Variants in TEX11 observed in about 807,000 individuals in gnomAD.
TEX11 encodes testis-expressed protein 11.
TEX11 carries 7 observed loss-of-function variants against 84.4 expected under a neutral mutation model. The ratio of observed to expected loss-of-function variants is 0.08; its 90% CI spans 0.05 to 0.16. The LOEUF (loss-of-function observed/expected upper bound fraction) is 0.16. TEX11 is among the 10% of genes least tolerant of loss of function. The pLI is 1.00. For synonymous variants in TEX11, 264 were observed against 222.8 expected (o/e 1.18, Z -1.64); for missense variants, 551 against 660.5 (o/e 0.83, Z 1.82).
intron 7 of TEX11, among the ~76,000 whole-genome samples, chrX:70,852,475 C>G (rs1430139807): frequency 8.9e-6 from 1 of 112,177 alleles, no homozygotes; most frequent in Non-Finnish European, 1.9e-5. Context: ...CAGGCACGAG[C>G]CACCATGCCC....
intron 11 of TEX11, among the ~76,000 whole-genome samples, chrX:70,732,393 T>G (rs1177347193): frequency 9.0e-6 from 1 of 111,299 alleles, no homozygotes; most frequent in African/African-American, 3.3e-5. Context: ...ATTGTATATC[T>G]AGAAAACCCC....
chrX:70,572,552 G>A (rs1304589687), intron 25 of TEX11, among the ~76,000 whole-genome samples: 1 of 110,673 alleles, frequency 9.0e-6, no homozygotes, highest in Non-Finnish European at 1.9e-5. Context: ...ACATGCACAC[G>A]TATGTTTATT....
rs1016357995 is a variant in TEX11 at position 70,661,805 on chromosome X, G to T, written c.1380+8572C>A. ...AACTCCAGCAGACCTGCAGCTGAGG[G>T]TCCTGTCTGTTAGAAGGAAAACTAA... On this transcript the variant is annotated intron_variant, in intron 16 of 29. Transcript: ENST00000374333. Among the ~76,000 whole-genome samples the T allele has an allele frequency of 2.7e-5, 3 of 112,099 alleles. No individual in the cohort carries two copies. The Admixed American group carries it at 2.8e-4, about 11-fold the overall frequency.
chrX:70,634,634 T>A (rs1286214140), intron 17 of TEX11, among the ~76,000 whole-genome samples: 1 of 105,765 alleles, frequency 9.5e-6, no homozygotes, highest in African/African-American at 3.5e-5. Context: ...TAATTTCTGA[T>A]AAAGGCACAA....
At chrX:70,517,627 C>G in the TEX11 span, among the ~76,000 whole-genome samples, 4 of 111,540 alleles carry the variant, frequency 3.6e-5, no homozygotes, top group Non-Finnish European at 1.9e-5. Context: ...CAGGATGATG[C>G]TGGACTCATA....
chrX:70,905,790 G>A (rs974528373), intron 2 of TEX11, among the ~76,000 whole-genome samples: 1 of 108,091 alleles, frequency 9.3e-6, no homozygotes, highest in Non-Finnish European at 1.9e-5. Flanking sequence ...AGTGACTCAC[G>A]CCTGTAATCC....
chrX:70,621,901 C>T (rs779859308), intron 20 of TEX11, among the ~76,000 whole-genome samples: 1 of 109,945 alleles, frequency 9.1e-6, no homozygotes, highest in South Asian at 3.9e-4. Context: ...ATCAAATAAT[C>T]TAGGAAGGGT....
intron 11 of TEX11, among the ~76,000 whole-genome samples, chrX:70,740,249 C>T (rs978666271): frequency 9.0e-6 from 1 of 111,544 alleles, no homozygotes; most frequent in Non-Finnish European, 1.9e-5. Context: ...AGGCTGGGAA[C>T]TCCAACATCA....
chrX:70,666,041 A>C (rs1242531166), intron 16 of TEX11, among the ~76,000 whole-genome samples: 3 of 111,842 alleles, frequency 2.7e-5, no homozygotes, highest in African/African-American at 9.7e-5. Context: ...AGCATCTACT[A>C]TGCATTAGGC....
At chrX:70,567,240 C>T (rs1420465457) in intron 25 of TEX11, among the ~76,000 whole-genome samples, 1 of 110,676 alleles carries the variant, frequency 9.0e-6, no homozygotes, top group African/African-American at 3.3e-5. Context: ...TCTGTGGGAT[C>T]GGTGGTGATA....
At chrX:70,731,090 G>A (rs1394880985) in intron 11 of TEX11, among the ~76,000 whole-genome samples, 3 of 111,841 alleles carry the variant, frequency 2.7e-5, no homozygotes, top group African/African-American at 9.8e-5. Flanking sequence ...AAATAAAGAC[G>A]TTCTCTGAAA....
At chrX:70,520,469 T>C in the TEX11 span, among the ~76,000 whole-genome samples, 1 of 112,259 alleles carries the variant, frequency 8.9e-6, no homozygotes, top group African/African-American at 3.2e-5. Context: ...CAGCAAATAT[T>C]GCAGAACAGC....
In TEX11 at chrX:70,821,077, T is replaced by C. The variant is rs187643313; in HGVS notation, c.606+12436A>G. Among the ~76,000 whole-genome samples, 145 of 111,142 alleles carry C rather than the reference T, an allele frequency of 1.3e-3. 1 individual carries two copies. In the East Asian group the frequency reaches 0.037, roughly 28 times the overall value. On this transcript the variant is annotated intron_variant, in intron 8 of 29. Coordinates refer to ENST00000374333, the MANE Select transcript of TEX11 (RefSeq NM_031276.3). ...CAGAGTGAAAAAGCATCCTACAAAA[T>C]GAGACAAAATATTTGCAAACCATAT... is the stretch of plus-strand genomic sequence containing the variant.
chrX:70,625,991 A>G (rs1418216830), intron 18 of TEX11, among the ~76,000 whole-genome samples: 2 of 109,771 alleles, frequency 1.8e-5, no homozygotes, highest in Admixed American at 1.9e-4. Flanking sequence ...CAGGTGATCC[A>G]CCCGCCTGGG....
chrX:70,837,152 G>A lies in TEX11; in HGVS notation c.526-3559C>T, dbSNP rs139630262. Among the ~76,000 whole-genome samples the A allele has an allele frequency of 1.9e-4, 21 of 112,053 alleles. No homozygotes were observed. The East Asian group carries it at 5.0e-3, about 27-fold the overall frequency. ...TCCACACAAAAACCTGTATGGAAAT[G>A]TTCATGCCAACTTATTTACAATAGC... On this transcript the variant is annotated intron_variant, in intron 7 of 29. Coordinates refer to ENST00000374333, the MANE Select transcript of TEX11 (RefSeq NM_031276.3).
chrX:70,732,707 A>G (rs1177518868), intron 11 of TEX11, among the ~76,000 whole-genome samples: 19 of 111,126 alleles, frequency 1.7e-4, no homozygotes, highest in African/African-American at 5.9e-4. Context: ...AATCAATATC[A>G]TGAAAATGGC....
chrX:70,518,422 G>T, the TEX11 span, among the ~76,000 whole-genome samples: 1 of 112,208 alleles, frequency 8.9e-6, no homozygotes, highest in Admixed American at 9.5e-5. Flanking sequence ...TTTCCATGTA[G>T]TTGTGTAGTT....
intron 13 of TEX11, among the ~76,000 whole-genome samples, chrX:70,710,419 T>C (rs898080903): frequency 8.9e-6 from 1 of 111,732 alleles, no homozygotes; most frequent in Non-Finnish European, 1.9e-5. Context: ...TCAGGACCCC[T>C]GGATCAAATA....
At chrX:70,701,694 T>C (rs1252968264) in intron 13 of TEX11, among the ~76,000 whole-genome samples, 2 of 112,249 alleles carry the variant, frequency 1.8e-5, no homozygotes, top group Non-Finnish European at 3.8e-5. Flanking sequence ...ACAAAGTACA[T>C]TGAAAACATT....
Sources: gnomAD v4.1 joint callset for allele counts (sites outside exome capture counted in the v4.1 genomes callset) on GRCh38, gnomAD v4.1.1 for gene constraint, MANE v1.5 for transcripts, NCBI Gene and HGNC (gene_info 2026-07-23, HGNC 2026-07-21) for gene names.